The following SNX29 variants were observed in gnomAD, a reference collection of about 807,000 sequenced individuals.
The protein encoded by SNX29 is sorting nexin-29.
SNX29 carries 78 observed loss-of-function variants against 102.1 expected under a neutral mutation model. The ratio of observed to expected loss-of-function variants is 0.76; its 90% CI spans 0.64 to 0.92. The LOEUF (loss-of-function observed/expected upper bound fraction) is 0.92, where lower values mean the gene tolerates loss of function less well. Ranked by LOEUF, SNX29 falls within the 40% of genes least tolerant of loss-of-function variation. SNX29 has a pLI of 0.00. For missense variants in SNX29, 1,280 were observed against 1,061.7 expected, an observed-to-expected ratio of 1.21 and a Z score of -2.86; for synonymous variants, 580 against 414.5, an observed-to-expected ratio of 1.40 and a Z score of -4.85.
rs147630902 is a variant in SNX29, at chr16:12,362,896, C to G, written c.1899+6617C>G. The stretch of plus-strand genomic sequence containing the variant: ...CTGCTCCCTTTGGGTTTCAGTGATT[C>G]ACATGGTAGGTGTTCAGTAAATGTG... On this transcript the variant is annotated intron_variant, in intron 16 of 20. Transcript: ENST00000566228. 2.2e-3 allele frequency among the ~76,000 whole-genome samples: 341 copies of G among 152,290 alleles called. 6 individuals carry two copies. In the East Asian group the frequency reaches 0.05, roughly 22 times the overall value.
At chr16:12,151,231 T>A (rs940851992) in intron 13 of SNX29, among the ~76,000 whole-genome samples, 2 of 152,170 alleles carry the variant, frequency 1.3e-5, no homozygotes, top group African/African-American at 4.8e-5. Context: ...AAGTCCTAGA[T>A]GTTACATCAG....
At chr16:12,530,493 T>C (rs1162144705) in intron 20 of SNX29, among the ~76,000 whole-genome samples, 2 of 152,006 alleles carry the variant, frequency 1.3e-5, no homozygotes, top group Non-Finnish European at 2.9e-5. Context: ...AAATCATCAA[T>C]ATTTATGTAA....
At chr16:12,054,748 A>G (rs1362153289) in intron 8 of SNX29, among the ~76,000 whole-genome samples, 2 of 152,052 alleles carry the variant, frequency 1.3e-5, no homozygotes, top group African/African-American at 2.4e-5. Flanking sequence ...CTGTATTTGT[A>G]TCTCTCTGTC....
chr16:12,551,223 G>A (rs1053404123), intron 20 of SNX29, among the ~76,000 whole-genome samples: 1 of 148,258 alleles, frequency 6.7e-6, no homozygotes, highest in African/African-American at 2.6e-5. Context: ...ACTCAGATTT[G>A]CCATCTTCTG....
At chr16:12,422,466 A>G (rs941542118) in intron 18 of SNX29, among the ~76,000 whole-genome samples, 4 of 152,176 alleles carry the variant, frequency 2.6e-5, no homozygotes, top group Non-Finnish European at 4.4e-5. Context: ...TCTAGCAAGT[A>G]ACTTCTTCCA....
At chr16:12,380,565 ACCAT>A (rs1401313768) in intron 16 of SNX29, among the ~76,000 whole-genome samples, 9 of 100,846 alleles carry the variant, frequency 8.9e-5, no homozygotes, top group Admixed American at 2.1e-4. Context: ...CCATCCACCC[ACCAT>A]CCATCCATCC....
intron 20 of SNX29, among the ~76,000 whole-genome samples, chr16:12,549,131 G>A (rs1005753050): frequency 2.0e-5 from 3 of 152,118 alleles, no homozygotes; most frequent in Non-Finnish European, 2.9e-5. Flanking sequence ...GAAAATTCTG[G>A]GGTAGTTTTG....
rs796229078 is a variant in SNX29 at position 12,569,133 on chromosome 16, G to C, written c.*504G>C. ...GATGGCTGGCTTTGCGGGGGGGGGGGGGGGGGGGGGCATGGTTCCTTTCAC... is the reference window on the plus strand; with the variant it reads ...GATGGCTGGCTTTGCGGGGGGGGGGCGGGGGGGGGGCATGGTTCCTTTCAC... On this transcript the variant is annotated 3_prime_UTR_variant, in exon 21 of 21. Coordinates refer to ENST00000566228, the MANE Select transcript of SNX29 (RefSeq NM_032167.5). 262 of 132,952 alleles carry C rather than the reference G, an allele frequency of 2.0e-3. 6 individuals are homozygous for C. Among genetic ancestry groups the C allele is most frequent in the Middle Eastern group, 0.015 (6 of 392 alleles). 8.2% of individuals were successfully genotyped at this position (132,952 alleles called of 1,614,324 possible).
chr16:12,416,132 GA>G (rs1292558679), intron 18 of SNX29, among the ~76,000 whole-genome samples: 1 of 152,178 alleles, frequency 6.6e-6, no homozygotes, highest in East Asian at 1.9e-4. Flanking sequence ...AAGGAACCCA[GA>G]ACTGGGCAGG....
At position 12,569,666 on chromosome 16, in the gene SNX29, G is replaced by T. The variant is rs369486130; in HGVS notation, c.*1037G>T. 1 of 229,804 alleles carries T rather than the reference G, an allele frequency of 4.4e-6. No homozygotes were observed. The highest frequency in any genetic ancestry group is 6.2e-5 in the East Asian group (1 of 16,186). 14.2% of individuals were successfully genotyped at this position (229,804 alleles called of 1,614,324 possible). A position where few individuals can be genotyped will look rare whatever the true frequency, so the allele number is the denominator to read the frequency against. ...GAGTCCTCTGTTCCTCCCATGTCAGGTGGCTCTCAGAGTACAGGGACCTTG... is the reference window on the plus strand; with the variant it reads ...GAGTCCTCTGTTCCTCCCATGTCAGTTGGCTCTCAGAGTACAGGGACCTTG... On this transcript the variant is annotated 3_prime_UTR_variant, in exon 21 of 21. Coordinates refer to ENST00000566228, the MANE Select transcript of SNX29 (RefSeq NM_032167.5).
chr16:12,568,333 G>A (rs955211998), intron 20 of SNX29, among the ~76,000 whole-genome samples, 173 bp from the exon 21 acceptor site: 16 of 149,432 alleles, frequency 1.1e-4, no homozygotes, highest in African/African-American at 3.9e-4. Context: ...AGGTTTACGT[G>A]ACAATAGGGG....
chr16:12,562,388 G>C (rs1017037779), intron 20 of SNX29, among the ~76,000 whole-genome samples: 2 of 152,184 alleles, frequency 1.3e-5, no homozygotes, highest in East Asian at 1.9e-4. Flanking sequence ...AACAGCTCAA[G>C]AGACAGATCA....
At chr16:12,383,540 G>T (rs534910653) in intron 16 of SNX29, among the ~76,000 whole-genome samples, 3 of 151,782 alleles carry the variant, frequency 2.0e-5, no homozygotes, top group African/African-American at 7.2e-5. Flanking sequence ...GGGTTCAAGC[G>T]ATTCTTCTGC....
intron 13 of SNX29, among the ~76,000 whole-genome samples, chr16:12,166,098 G>T (rs143829558): frequency 6.6e-6 from 1 of 152,212 alleles, no homozygotes; most frequent in Non-Finnish European, 1.5e-5. Context: ...AGTCATTGCC[G>T]TTATCGTAAT....
chr16:12,268,338 G>T (rs985942442), intron 14 of SNX29, among the ~76,000 whole-genome samples: 1 of 152,152 alleles, frequency 6.6e-6, no homozygotes, highest in Non-Finnish European at 1.5e-5. Context: ...TCAGTAGCTA[G>T]TTGTGTAGGA....
At chr16:12,195,562 G>A (rs2065760862) in intron 13 of SNX29, among the ~76,000 whole-genome samples, 1 of 152,188 alleles carries the variant, frequency 6.6e-6, no homozygotes, top group South Asian at 2.1e-4. Flanking sequence ...TAGCAAAGCT[G>A]GCTGGTCAGG....
chr16:12,290,777 T>TA (rs2079767220), intron 15 of SNX29, among the ~76,000 whole-genome samples: 1 of 152,182 alleles, frequency 6.6e-6, no homozygotes, highest in South Asian at 2.1e-4. Flanking sequence ...TAATGAGTGT[T>TA]ATGCTAGACT....
chr16:12,235,000 C>A (rs990430981), intron 14 of SNX29, among the ~76,000 whole-genome samples: 4 of 152,026 alleles, frequency 2.6e-5, no homozygotes, highest in Admixed American at 2.6e-4. Context: ...CTCCCTCATT[C>A]CTTCCTTCCT....
chr16:12,270,775 C>T (rs1263621321), intron 14 of SNX29, among the ~76,000 whole-genome samples: 2 of 152,076 alleles, frequency 1.3e-5, no homozygotes, highest in African/African-American at 4.8e-5. Context: ...GGCACAGTGG[C>T]TCATGTCAGT....
Sources: gnomAD v4.1 joint callset for allele counts (sites outside exome capture counted in the v4.1 genomes callset) on GRCh38, gnomAD v4.1.1 for gene constraint, MANE v1.5 for transcripts, NCBI Gene and HGNC (gene_info 2026-07-23, HGNC 2026-07-21) for gene names.